Variants in TMEM38B observed in about 807,000 individuals in gnomAD.
TMEM38B encodes transmembrane protein 38B.
A neutral mutation model predicts 28.7 loss-of-function variants in TMEM38B; 24 were observed. That is an observed-to-expected ratio of 0.84 (90% CI 0.61 to 1.18). The LOEUF is 1.18. Among genes scored for constraint, TMEM38B ranks in the 50% most tolerant of loss-of-function variants. The pLI is 0.00. For missense variants in TMEM38B, 380 were observed against 350.9 expected (o/e 1.08, Z -0.66); for synonymous variants, 131 against 127.7 (o/e 1.03, Z -0.17).
intron 5 of TMEM38B, among the ~76,000 whole-genome samples, chr9:105,766,652 T>A (rs944871757): frequency 2.0e-5 from 3 of 152,138 alleles, no homozygotes; most frequent in African/African-American, 7.2e-5. Context: ...TCTTTTTGTG[T>A]CCTATTAAGA....
chr9:105,767,956 T>A (rs1174811428), intron 5 of TMEM38B, among the ~76,000 whole-genome samples: 1 of 152,180 alleles, frequency 6.6e-6, no homozygotes, highest in Admixed American at 6.5e-5. Context: ...TAGAATGTCC[T>A]GTACAATGTT....
intron 5 of TMEM38B, among the ~76,000 whole-genome samples, chr9:105,761,218 G>T (rs868699779): frequency 1.3e-5 from 2 of 152,242 alleles, no homozygotes; most frequent in African/African-American, 4.8e-5. Flanking sequence ...ATAATTCTCA[G>T]CTGCCAAATG....
intron 2 of TMEM38B, among the ~76,000 whole-genome samples, chr9:105,714,549 A>G (rs1836026058): frequency 2.0e-5 from 3 of 152,224 alleles, no homozygotes; most frequent in Admixed American, 2.0e-4. Context: ...TTTCAGTATA[A>G]TGAACTGGAT....
chr9:105,748,002 T>C (rs1837490726), intron 4 of TMEM38B, 71 bp from the exon 5 acceptor site: 1 of 1,010,644 alleles, frequency 9.9e-7, no homozygotes, highest in African/African-American at 1.6e-5. Flanking sequence ...TGTTTTGCAG[T>C]GCACTCTTTG....
At chr9:105,740,804 G>T (rs914555975) in intron 4 of TMEM38B, among the ~76,000 whole-genome samples, 3 of 152,110 alleles carry the variant, frequency 2.0e-5, no homozygotes, top group Non-Finnish European at 4.4e-5. Flanking sequence ...TAACATAAAA[G>T]AAACTTCTAA....
intron 1 of TMEM38B, among the ~76,000 whole-genome samples, chr9:105,699,342 A>G (rs1048621637): frequency 6.6e-6 from 1 of 152,062 alleles, no homozygotes; most frequent in Non-Finnish European, 1.5e-5. Flanking sequence ...ATTCTCTAGA[A>G]CTCACACCTA....
intron 5 of TMEM38B, chr9:105,758,878 A>G (rs1254328743): frequency 2.9e-6 from 3 of 1,031,894 alleles, no homozygotes; most frequent in African/African-American, 3.1e-5. Flanking sequence ...AGCCAGGAAG[A>G]TGTTGAAGAA....
intron 2 of TMEM38B, among the ~76,000 whole-genome samples, chr9:105,721,286 A>C (rs112598478): frequency 3.2e-4 from 49 of 152,296 alleles, no homozygotes; most frequent in African/African-American, 1.1e-3. Context: ...TCATATATCT[A>C]TAAAGTATTC....
At chr9:105,711,664 C>T (rs1432005067) in intron 2 of TMEM38B, among the ~76,000 whole-genome samples, 1 of 150,972 alleles carries the variant, frequency 6.6e-6, no homozygotes, top group Non-Finnish European at 1.5e-5. Flanking sequence ...CTGGTCTCTA[C>T]CAAAAATTAG....
At chr9:105,735,909 C>A (rs1192960441) in intron 4 of TMEM38B, among the ~76,000 whole-genome samples, 1 of 152,064 alleles carries the variant, frequency 6.6e-6, no homozygotes, top group African/African-American at 2.4e-5. Context: ...CTCTGTTGCC[C>A]AAGCTGGAGT....
intron 4 of TMEM38B, among the ~76,000 whole-genome samples, chr9:105,735,867 T>A (rs6477458): frequency 0.075 from 11,345 of 152,110 alleles, 950 homozygotes; most frequent in African/African-American, 0.21. Context: ...TTTTCATTTA[T>A]TAAAAAAAAT....
At chr9:105,772,509 C>T (rs1329821096) in intron 5 of TMEM38B, among the ~76,000 whole-genome samples, 1 of 152,024 alleles carries the variant, frequency 6.6e-6, no homozygotes, top group African/African-American at 2.4e-5. Context: ...GAATAGTAGC[C>T]CCATCAGGTT....
chr9:105,753,488 C>T (rs1300903040), intron 5 of TMEM38B, among the ~76,000 whole-genome samples: 2 of 152,130 alleles, frequency 1.3e-5, no homozygotes, highest in Admixed American at 1.3e-4. Flanking sequence ...CCCTACGAGC[C>T]AGAAGAGATT....
intron 1 of TMEM38B, among the ~76,000 whole-genome samples, chr9:105,705,083 G>C (rs902095278): frequency 4.6e-5 from 7 of 152,132 alleles, no homozygotes; most frequent in Non-Finnish European, 7.4e-5. Flanking sequence ...GTTAAGACTC[G>C]TGTTGAGGTA....
At chr9:105,745,037 G>A (rs138296353) in intron 4 of TMEM38B, among the ~76,000 whole-genome samples, 2,032 of 152,206 alleles carry the variant, frequency 0.013, 21 homozygotes, top group Non-Finnish European at 0.018. Context: ...GAATAATGCC[G>A]CAATAAACAT....
chr9:105,758,442 T>C, intron 5 of TMEM38B: 1 of 1,388,524 alleles, frequency 7.2e-7, no homozygotes, highest in East Asian at 2.3e-5. Flanking sequence ...CTTTAAAAAA[T>C]ATGGCAGTTG....
chr9:105,743,024 G>A (rs1015263761), intron 4 of TMEM38B, among the ~76,000 whole-genome samples: 15 of 151,928 alleles, frequency 9.9e-5, no homozygotes, highest in African/African-American at 2.7e-4. Flanking sequence ...GTGGTCCCGC[G>A]GATCTGTTCC....
intron 5 of TMEM38B, among the ~76,000 whole-genome samples, chr9:105,752,007 A>G (rs1837672039): frequency 6.6e-6 from 1 of 151,748 alleles, no homozygotes; most frequent in Non-Finnish European, 1.5e-5. Context: ...CTGGCTTTGG[A>G]GAATACAAAT....
chr9:105,773,829 T>C, intron 5 of TMEM38B, 36 bp from the exon 6 acceptor site: 1 of 1,573,802 alleles, frequency 6.4e-7, no homozygotes, highest in Non-Finnish European at 8.7e-7. Flanking sequence ...AGAAATCATT[T>C]GTATTTAAAT....
Sources: gnomAD v4.1 joint callset for allele counts (sites outside exome capture counted in the v4.1 genomes callset) on GRCh38, gnomAD v4.1.1 for gene constraint, MANE v1.5 for transcripts, NCBI Gene and HGNC (gene_info 2026-07-23, HGNC 2026-07-21) for gene names.